The following AKAP6 variants were observed in gnomAD, a reference collection of about 807,000 sequenced individuals.
The protein encoded by AKAP6 is A-kinase anchor protein 6.
In AKAP6, 58 loss-of-function variants were observed where a neutral mutation model predicts 188.5. The observed-to-expected ratio is 0.31, with a 90% confidence interval of 0.25 to 0.38. The LOEUF (loss-of-function observed/expected upper bound fraction) is 0.38, where lower values mean the gene tolerates loss of function less well. Among genes scored for constraint, AKAP6 ranks in the 10% least tolerant of loss-of-function variants. The pLI is 1.00. For missense variants in AKAP6, 2,710 were observed against 2,740.0 expected (o/e 0.99, Z 0.24); for synonymous variants, 989 against 998.6 (o/e 0.99, Z 0.18).
chr14:32,687,431 TCTCTCTCTCTTTCTC>T (rs1566647303), intron 8 of AKAP6, among the ~76,000 whole-genome samples: 3,409 of 150,340 alleles, frequency 0.023, 139 homozygotes, highest in African/African-American at 0.08. Context: ...TCTCTCTCTC[TCTCTCTCTCTTTCTC>T]TCTTTCTCTT....
At chr14:32,793,180 CT>C (rs1383557922) in intron 12 of AKAP6, among the ~76,000 whole-genome samples, 3 of 152,052 alleles carry the variant, frequency 2.0e-5, no homozygotes, top group Non-Finnish European at 4.4e-5. Flanking sequence ...CATAACAATA[CT>C]AACCTTAAAT....
rs1883182576 is a variant in AKAP6 at position 32,546,055 on chromosome 14, G to A, written c.1402G>A (p.Glu468Lys). The A allele has an allele frequency of 4.3e-6, 7 of 1,614,116 alleles. No homozygotes were observed. Among genetic ancestry groups the A allele is most frequent in the Non-Finnish European group, 5.9e-6 (7 of 1,180,010 alleles). The change falls in exon 4 of 14, where the codon GAA (glutamate) becomes AAA (lysine). Residue 468 changes from glutamate to lysine, a missense_variant. By Grantham distance (56) the Glu-to-Lys change is moderately conservative. This residue lies in a region of AKAP6 where 2,473 missense variants were observed against 2,426.1 expected (regional missense o/e 1.02). Coordinates refer to ENST00000280979, the MANE Select transcript of AKAP6 (RefSeq NM_004274.5). ...ACACAAGGTGGGGAATGGGAACCTT[G>A]AAAACACAGTCAAATTTCACATTAA... ...CLHKVGNGNLENTVKFHIKEI... is the reference protein window; with the variant it reads ...CLHKVGNGNLKNTVKFHIKEI...
At chr14:32,479,207 A>T (rs1879218076) in intron 2 of AKAP6, among the ~76,000 whole-genome samples, 1 of 152,322 alleles carries the variant, frequency 6.6e-6, no homozygotes, top group African/African-American at 2.4e-5. Context: ...TGAGGAGAAA[A>T]TAAAAATAAT....
At chr14:32,697,348 G>A (rs1890446748) in intron 9 of AKAP6, among the ~76,000 whole-genome samples, 1 of 152,078 alleles carries the variant, frequency 6.6e-6, no homozygotes, top group Non-Finnish European at 1.5e-5. Context: ...TGAGTTTGTT[G>A]ACTGTTAGCT....
intron 7 of AKAP6, among the ~76,000 whole-genome samples, chr14:32,653,814 A>G (rs1208780626): frequency 6.6e-6 from 1 of 152,228 alleles, no homozygotes; most frequent in African/African-American, 2.4e-5. Flanking sequence ...TAGGGCAAAT[A>G]AAATATTGCC....
intron 2 of AKAP6, among the ~76,000 whole-genome samples, chr14:32,459,462 A>G (rs575444600): frequency 6.6e-6 from 1 of 152,308 alleles, no homozygotes; most frequent in African/African-American, 2.4e-5. Flanking sequence ...AGTATTCAAC[A>G]CATACATAAT....
At chr14:32,472,363 G>A (rs188243340) in intron 2 of AKAP6, among the ~76,000 whole-genome samples, 1 of 152,196 alleles carries the variant, frequency 6.6e-6, no homozygotes, top group African/African-American at 2.4e-5. Context: ...TAGCAGGTGG[G>A]GTAAATAAGT....
intron 2 of AKAP6, among the ~76,000 whole-genome samples, chr14:32,486,844 C>T (rs1879721409): frequency 6.6e-6 from 1 of 152,170 alleles, no homozygotes; most frequent in Non-Finnish European, 1.5e-5. Flanking sequence ...CCAGAACTTC[C>T]AACGCTATGT....
At chr14:32,618,117 C>T (rs1454043786) in intron 7 of AKAP6, among the ~76,000 whole-genome samples, 1 of 149,504 alleles carries the variant, frequency 6.7e-6, no homozygotes, top group African/African-American at 2.4e-5. Context: ...TTGCATTTCA[C>T]AGCCTAAAAA....
At position 32,593,684 on chromosome 14, in the gene AKAP6, C is replaced by T. The variant is rs911456137; in HGVS notation, c.2470-5726C>T. On this transcript the variant is annotated intron_variant, in intron 5 of 13. Transcript: ENST00000280979. ...TTAGAGAAGATAAAACCAAAGTGTTCAAGGGCTGGAAAATATTGAGTCCAA... is the reference window on the plus strand; with the variant it reads ...TTAGAGAAGATAAAACCAAAGTGTTTAAGGGCTGGAAAATATTGAGTCCAA... Among the ~76,000 whole-genome samples the T allele has an allele frequency of 3.9e-5, 6 of 152,140 alleles. No homozygotes were observed. The South Asian group carries it at 1.2e-3, about 32-fold the overall frequency.
At chr14:32,584,115 C>G (rs902436692) in intron 5 of AKAP6, among the ~76,000 whole-genome samples, 4 of 152,220 alleles carry the variant, frequency 2.6e-5, no homozygotes, top group Non-Finnish European at 5.9e-5. Context: ...ATTTGGCCAT[C>G]TTGGCTGCTA....
chr14:32,719,561 A>T (rs1804692230), intron 9 of AKAP6, among the ~76,000 whole-genome samples: 1 of 152,216 alleles, frequency 6.6e-6, no homozygotes, highest in African/African-American at 2.4e-5. Context: ...CAACAGAGTT[A>T]ACATAAGAAA....
intron 1 of AKAP6, among the ~76,000 whole-genome samples, chr14:32,341,737 TCTCAGGCTGGATGTGGTGG>T (rs1886895885): frequency 6.6e-6 from 1 of 152,148 alleles, no homozygotes; most frequent in African/African-American, 2.4e-5. Flanking sequence ...CTAAAATGAC[TCTCAGGCTGGATGTGGTGG>T]CTCAGGCCTG....
In AKAP6 at chr14:32,823,585, G is replaced by A. The variant is rs2034591085; in HGVS notation, c.5772G>A (p.Gly1924=). 1 of 1,613,808 alleles carries A rather than the reference G, an allele frequency of 6.2e-7. No individual in the cohort carries two copies. Among genetic ancestry groups the A allele is most frequent in the African/African-American group, 1.3e-5 (1 of 74,902 alleles). ...TATCAGAAAATCTTGGTTCACATGG[G>A]AAAGAGATTTCAGAGAGTGAGCATT... The part of the protein sequence containing the change: ...SKVSENLGSH[G]KEISESEHCK... The change falls in exon 13 of 14, where the codon GGG becomes GGA. Residue 1924 remains glycine (G), a synonymous_variant. Coordinates refer to ENST00000280979, the MANE Select transcript of AKAP6 (RefSeq NM_004274.5).
intron 1 of AKAP6, among the ~76,000 whole-genome samples, chr14:32,408,679 A>G (rs1466167968): frequency 6.7e-6 from 1 of 149,332 alleles, no homozygotes; most frequent in Admixed American, 6.8e-5. Context: ...CAGAGTTACT[A>G]TTCTTTGCTC....
intron 2 of AKAP6, among the ~76,000 whole-genome samples, chr14:32,460,731 C>T (rs1268676002): frequency 6.6e-6 from 1 of 152,220 alleles, no homozygotes; most frequent in Admixed American, 6.5e-5. Flanking sequence ...CAGCTCACTC[C>T]CCTGGAAAGG....
chr14:32,340,438 C>G (rs1886854779), intron 1 of AKAP6, among the ~76,000 whole-genome samples: 1 of 152,164 alleles, frequency 6.6e-6, no homozygotes, highest in Non-Finnish European at 1.5e-5. Flanking sequence ...TGCTGACATA[C>G]TCTTCCTGAA....
At chr14:32,808,898 G>T (rs2034155019) in intron 12 of AKAP6, among the ~76,000 whole-genome samples, 1 of 152,162 alleles carries the variant, frequency 6.6e-6, no homozygotes, top group Non-Finnish European at 1.5e-5. Context: ...GCACTGCACA[G>T]AACTGAATTT....
intron 12 of AKAP6, among the ~76,000 whole-genome samples, chr14:32,800,061 C>CTCTATATATATATA (rs377693074): frequency 5.8e-5 from 8 of 136,944 alleles, no homozygotes; most frequent in Non-Finnish European, 1.1e-4. Context: ...CTCTCTCTCT[C>CTCTATATATATATA]TATATATATA....
Sources: gnomAD v4.1 joint callset for allele counts (sites outside exome capture counted in the v4.1 genomes callset) on GRCh38, gnomAD v4.1.1 for gene constraint, gnomAD v4.1.1 regional missense constraint, MANE v1.5 for transcripts, NCBI Gene and HGNC (gene_info 2026-07-23, HGNC 2026-07-21) for gene names.